EIF2AK3: variants seen among roughly 807,000 people sequenced by gnomAD.
EIF2AK3 encodes eukaryotic translation initiation factor 2 alpha kinase 3, also known as eukaryotic translation initiation factor 2-alpha kinase 3.
A neutral mutation model predicts 113.5 loss-of-function variants in EIF2AK3; 50 were observed. That is an observed-to-expected ratio of 0.44 (90% confidence interval 0.35 to 0.56). The LOEUF is 0.56. EIF2AK3 is among the 20% of genes least tolerant of loss of function. The pLI, the probability that EIF2AK3 is intolerant of heterozygous loss-of-function variation, is 0.00. For missense variants in EIF2AK3, 1,185 were observed against 1,378.0 expected (o/e 0.86, Z 2.22); for synonymous variants, 448 against 495.4 (o/e 0.90, Z 1.27).
chr2:88,609,194 A>G lies in EIF2AK3; in HGVS notation c.438+4530T>C, dbSNP rs117039826. Reference sequence around the variant, plus strand: ...ACAATACAGTCTTCTCTCCTTGCTAATATGTTTATAATTTCACAAATATTC... The same window carrying G: ...ACAATACAGTCTTCTCTCCTTGCTAGTATGTTTATAATTTCACAAATATTC... On this transcript the variant is annotated intron_variant, in intron 2 of 16. Transcript: ENST00000303236. Among the ~76,000 whole-genome samples, 84 of 152,262 alleles carry G rather than the reference A, an allele frequency of 5.5e-4. 4 individuals carry two copies. The East Asian group carries it at 0.016, about 28-fold the overall frequency.
Position 88,574,837 on chromosome 2 carries a change from C to G in EIF2AK3, c.2646G>C (p.Val882=). 1 of 1,614,168 alleles carries G rather than the reference C, an allele frequency of 6.2e-7. No homozygotes were observed. The highest frequency in any genetic ancestry group is 8.5e-7 in the Non-Finnish European group (1 of 1,180,018). Residue 882 remains valine (V), a synonymous_variant, in exon 13 of 17, where the codon GTG becomes GTC. Transcript: ENST00000303236. ...TEKLQPSSPK[V]YLYIQMQLCR... The stretch of plus-strand genomic sequence containing the variant: ...ACAGCTGCATTTGAATGTAAAGATA[C>G]ACCTTTGGTGAACTGGGCTGGAGTT...
intron 2 of EIF2AK3, among the ~76,000 whole-genome samples, chr2:88,602,846 T>G (rs1415936980): frequency 6.6e-6 from 1 of 151,964 alleles, no homozygotes; most frequent in Non-Finnish European, 1.5e-5. Flanking sequence ...AAACACCTAA[T>G]GTATGTGGGG....
At chr2:88,577,318 C>T (rs1674486400) in intron 11 of EIF2AK3, among the ~76,000 whole-genome samples, 1 of 151,996 alleles carries the variant, frequency 6.6e-6, no homozygotes, top group African/African-American at 2.4e-5. Context: ...CACACAAGTC[C>T]TGTATTTTAA....
In EIF2AK3 at chr2:88,594,843, A is replaced by C. The variant is rs989513122; in HGVS notation, c.633+626T>G. On this transcript the variant is annotated intron_variant, in intron 3 of 16. Transcript: ENST00000303236. ...TCTGTCAAAATGTAAAAAAAAAAAA[A>C]AAAAAACGAAAGTTACACTTAGGAA... Among the ~76,000 whole-genome samples the C allele has an allele frequency of 3.8e-4, 57 of 151,174 alleles. No individual in the cohort carries two copies. In the South Asian group the frequency reaches 7.9e-3, roughly 21 times the overall value.
chr2:88,574,678 G>A lies in EIF2AK3; in HGVS notation c.2805C>T (p.His935=). The change falls in exon 13 of 17, where the codon CAC becomes CAT. Residue 935 remains histidine, a synonymous_variant. Transcript: ENST00000303236. The part of the protein sequence containing the change: ...VEFLHSKGLM[H]RDLKPSNIFF... ...CACAAATACAGACCTTGAGGTCCCT[G>A]TGCATCAGTCCTTTACTGTGAAGAA... The A allele has an allele frequency of 2.5e-6, 4 of 1,614,120 alleles. No homozygotes were observed. Among genetic ancestry groups the A allele is most frequent in the African/African-American group, 1.3e-5 (1 of 75,054 alleles).
chr2:88,616,078 C>T (rs1465919517), intron 1 of EIF2AK3, among the ~76,000 whole-genome samples: 1 of 151,888 alleles, frequency 6.6e-6, no homozygotes, highest in Non-Finnish European at 1.5e-5. Flanking sequence ...TTTTCTGGTT[C>T]CTTCTTATCT....
intron 1 of EIF2AK3, among the ~76,000 whole-genome samples, chr2:88,614,173 C>T (rs545945514): frequency 2.5e-4 from 38 of 152,338 alleles, no homozygotes; most frequent in African/African-American, 8.9e-4. Flanking sequence ...CCCTGAAACA[C>T]TGTCTTCCCT....
At chr2:88,562,930 C>T (rs1349544005) in intron 14 of EIF2AK3, among the ~76,000 whole-genome samples, 3 of 152,062 alleles carry the variant, frequency 2.0e-5, no homozygotes, top group Non-Finnish European at 4.4e-5. Context: ...ATTATCAAGT[C>T]CTGGAGGAAG....
At chr2:88,626,705 G>A (rs1171393846) in intron 1 of EIF2AK3, among the ~76,000 whole-genome samples, 4 of 152,244 alleles carry the variant, frequency 2.6e-5, no homozygotes, top group Non-Finnish European at 2.9e-5. Flanking sequence ...TTGCAACCCT[G>A]GAATTCCATT....
intron 8 of EIF2AK3, 22 bp downstream of exon 8, chr2:88,587,955 TAAATA>T: frequency 2.1e-6 from 3 of 1,458,800 alleles, no homozygotes; most frequent in Non-Finnish European, 2.8e-6. Context: ...AAAAATAAAA[TAAATA>T]AAACTCAGTA....
At chr2:88,602,382 A>G (rs1004676252) in intron 2 of EIF2AK3, among the ~76,000 whole-genome samples, 3 of 152,178 alleles carry the variant, frequency 2.0e-5, no homozygotes, top group Non-Finnish European at 2.9e-5. Flanking sequence ...ATAGTTAACA[A>G]AAGCCAAGTT....
At chr2:88,562,164 CCT>C in intron 15 of EIF2AK3, 123 bp downstream of exon 15, 1 of 746,382 alleles carries the variant, frequency 1.3e-6, no homozygotes, top group Non-Finnish European at 2.4e-6. Context: ...ACTCACATCA[CCT>C]CTTTCACTTT....
chr2:88,570,568 C>G (rs1402998305), intron 14 of EIF2AK3, among the ~76,000 whole-genome samples: 1 of 152,204 alleles, frequency 6.6e-6, no homozygotes, highest in African/African-American at 2.4e-5. Context: ...CTACACAAGG[C>G]AAACGAGTTA....
intron 2 of EIF2AK3, among the ~76,000 whole-genome samples, chr2:88,611,633 CTGT>C (rs1273660621): frequency 4.6e-5 from 7 of 151,892 alleles, no homozygotes; most frequent in African/African-American, 7.3e-5. Flanking sequence ...ATTTCTTTTG[CTGT>C]TGTTGTTGTT....
chr2:88,578,790 T>C (rs1674527709), intron 11 of EIF2AK3, among the ~76,000 whole-genome samples: 2 of 152,038 alleles, frequency 1.3e-5, no homozygotes, highest in Admixed American at 1.3e-4. Context: ...AAATCACACT[T>C]CTAGGAATCT....
chr2:88,612,642 GAA>G (rs1450809068), intron 2 of EIF2AK3, among the ~76,000 whole-genome samples: 1 of 152,194 alleles, frequency 6.6e-6, no homozygotes, highest in Non-Finnish European at 1.5e-5. Flanking sequence ...GGGTGCACCA[GAA>G]AAGATTTGGG....
intron 7 of EIF2AK3, 44 bp downstream of exon 7, chr2:88,588,717 C>T (rs1336468232): frequency 4.4e-6 from 7 of 1,607,944 alleles, no homozygotes; most frequent in Non-Finnish European, 6.0e-6. Flanking sequence ...AGGATTAGGT[C>T]TCTGAACACT....
At chr2:88,561,422 C>T (rs972485341) in intron 15 of EIF2AK3, among the ~76,000 whole-genome samples, 22 of 151,984 alleles carry the variant, frequency 1.4e-4, no homozygotes, top group Admixed American at 3.3e-4. Flanking sequence ...CCACCATGCC[C>T]GGCTAATTTT....
At chr2:88,600,755 A>G (rs538281643) in intron 2 of EIF2AK3, among the ~76,000 whole-genome samples, 1 of 152,198 alleles carries the variant, frequency 6.6e-6, no homozygotes, top group Non-Finnish European at 1.5e-5. Flanking sequence ...GGAATTTCAT[A>G]TGAGAAAATA....
Sources: allele counts gnomAD v4.1 joint callset (sites outside exome capture counted in the v4.1 genomes callset), GRCh38; gene constraint gnomAD v4.1.1; transcripts MANE v1.5; gene names NCBI Gene and HGNC (gene_info 2026-07-23, HGNC 2026-07-21).